Variants in TCF12 observed in about 807,000 individuals in gnomAD.
TCF12 encodes the protein transcription factor 12.
In TCF12, 45 loss-of-function variants were observed where a neutral mutation model predicts 86.0. The ratio of observed to expected loss-of-function variants is 0.52; its 90% CI spans 0.41 to 0.67. TCF12 has a LOEUF of 0.67. Among genes scored for constraint, TCF12 ranks in the 30% least tolerant of loss-of-function variants. TCF12 has a pLI of 0.00. For missense variants in TCF12, 881 were observed against 859.9 expected, an observed-to-expected ratio of 1.02 and a Z score of -0.31; for synonymous variants, 330 against 299.6, an observed-to-expected ratio of 1.10 and a Z score of -1.05.
intron 3 of TCF12, among the ~76,000 whole-genome samples, chr15:57,061,444 A>T (rs1279201813): frequency 6.6e-6 from 1 of 152,194 alleles, no homozygotes; most frequent in African/African-American, 2.4e-5. Context: ...AATAAAAAAA[A>T]AAATTAATGA....
At chr15:57,172,994 C>T (rs546998537) in intron 6 of TCF12, among the ~76,000 whole-genome samples, 2 of 151,476 alleles carry the variant, frequency 1.3e-5, no homozygotes, top group East Asian at 1.9e-4. Context: ...GAGGCTGAGG[C>T]GGGAGGATTG....
rs2061973260 is a variant in TCF12, at chr15:57,287,572, T to A, written c.*1427T>A. The A allele has an allele frequency of 6.6e-6, 1 of 152,630 alleles. No individual in the cohort carries two copies. The highest frequency in any genetic ancestry group is 1.5e-5 in the Non-Finnish European group (1 of 68,052). 9.5% of individuals were successfully genotyped at this position (152,630 alleles called of 1,614,324 possible). On this transcript the variant is annotated 3_prime_UTR_variant, in exon 21 of 21. Transcript: ENST00000333725. ...CTTTGAACTTCCATGAAACCTGTCT[T>A]CCACCACAACAACCCTGGGAGAGAA...
Position 57,197,767 on chromosome 15 carries a change from C to A in TCF12, c.527-6C>A, listed in dbSNP as rs936573930. ...GCTGAAGAAATGTATTGTTTTCCAT[C>A]TGCAGATCCCTTGCAAGCAAAAAAA... On this transcript the variant is annotated splice_region_variant and splice_polypyrimidine_tract_variant and intron_variant, in intron 7 of 20. Coordinates refer to ENST00000333725, the MANE Select transcript of TCF12 (RefSeq NM_207037.2). 6.2e-7 allele frequency: 1 copy of A among 1,613,930 alleles called. No homozygotes were observed.
At chr15:57,230,192 T>A (rs1475668371) in intron 8 of TCF12, among the ~76,000 whole-genome samples, 1 of 152,008 alleles carries the variant, frequency 6.6e-6, no homozygotes, top group East Asian at 1.9e-4. Context: ...AATGTTATTC[T>A]GTTTCAGTCA....
intron 3 of TCF12, among the ~76,000 whole-genome samples, chr15:56,946,244 C>T (rs2060991157): frequency 6.6e-6 from 1 of 152,172 alleles, no homozygotes; most frequent in African/African-American, 2.4e-5. Flanking sequence ...TATATTAGCA[C>T]TCTTGATACT....
chr15:57,232,894 G>A (rs776879371), intron 11 of TCF12, 38 bp downstream of exon 11: 13 of 1,485,844 alleles, frequency 8.7e-6, no homozygotes, highest in Non-Finnish European at 1.1e-5. Context: ...CTAAAAGTTT[G>A]TGGACTTTCA....
At chr15:57,143,133 T>A (rs2053103315) in intron 5 of TCF12, among the ~76,000 whole-genome samples, 1 of 142,520 alleles carries the variant, frequency 7.0e-6, no homozygotes, top group South Asian at 2.2e-4. Flanking sequence ...CCCATAAATA[T>A]ATACACCTAT....
intron 6 of TCF12, among the ~76,000 whole-genome samples, chr15:57,184,833 T>C (rs1348044988): frequency 1.3e-5 from 2 of 152,288 alleles, no homozygotes; most frequent in Non-Finnish European, 2.9e-5. Flanking sequence ...TCCTAGGTCA[T>C]ACTACTCTCA....
At chr15:57,206,499 A>C (rs1449429388) in intron 8 of TCF12, among the ~76,000 whole-genome samples, 1 of 152,030 alleles carries the variant, frequency 6.6e-6, no homozygotes, top group East Asian at 1.9e-4. Flanking sequence ...CCAGTGAAAA[A>C]CAGACCTAAA....
chr15:56,936,595 A>G (rs2060480443), intron 3 of TCF12, among the ~76,000 whole-genome samples: 1 of 152,084 alleles, frequency 6.6e-6, no homozygotes, highest in Admixed American at 6.6e-5. Flanking sequence ...TATCTTCTGG[A>G]ATTTTTAAAG....
chr15:56,993,054 A>G (rs1212881983), intron 3 of TCF12, among the ~76,000 whole-genome samples: 3 of 152,298 alleles, frequency 2.0e-5, no homozygotes, highest in Admixed American at 6.5e-5. Flanking sequence ...AATGAAGACT[A>G]GCATTCAGAA....
intron 8 of TCF12, among the ~76,000 whole-genome samples, chr15:57,199,522 A>G (rs1228792618): frequency 2.0e-5 from 3 of 152,248 alleles, no homozygotes; most frequent in African/African-American, 7.2e-5. Context: ...TCAGTGTTCC[A>G]TAGTTCTTTG....
intron 3 of TCF12, among the ~76,000 whole-genome samples, chr15:57,039,967 C>T (rs189652878): frequency 7.2e-4 from 110 of 152,258 alleles, no homozygotes; most frequent in African/African-American, 2.2e-3. Context: ...ATTCTAACTT[C>T]TGCTTCAAAA....
At chr15:57,006,157 G>C (rs1308798119) in intron 3 of TCF12, among the ~76,000 whole-genome samples, 3 of 152,006 alleles carry the variant, frequency 2.0e-5, no homozygotes, top group African/African-American at 7.3e-5. Context: ...TTTTATTTCA[G>C]TATATTATCA....
intron 4 of TCF12, 23 bp downstream of exon 4, chr15:57,063,846 G>GCTGTACA (rs764443007): frequency 6.5e-7 from 1 of 1,537,814 alleles, no homozygotes; most frequent in African/African-American, 1.4e-5. Flanking sequence ...ATCAACCCTT[G>GCTGTACA]ATTAAAGCTG....
At position 57,253,486 on chromosome 15, in the gene TCF12, T is replaced by G; in HGVS notation, c.1467+18T>G. 1.2e-6 allele frequency: 2 copies of G among 1,612,288 alleles called. No individual in the cohort carries two copies. The highest frequency in any genetic ancestry group is 1.7e-6 in the Non-Finnish European group (2 of 1,178,916). On this transcript the variant is annotated intron_variant, in intron 16 of 20. Transcript: ENST00000333725. ...CTTCAATGGTAAAATCATGCTCATC[T>G]TTTTTGTAGTAAACCCTAAAGATTC...
chr15:57,191,107 A>T (rs1455012655), intron 6 of TCF12, among the ~76,000 whole-genome samples: 1 of 152,162 alleles, frequency 6.6e-6, no homozygotes, highest in African/African-American at 2.4e-5. Flanking sequence ...TTGCTTAAAT[A>T]TAGTGTTAAA....
At chr15:57,163,955 A>G (rs534303565) in intron 5 of TCF12, among the ~76,000 whole-genome samples, 1 of 152,230 alleles carries the variant, frequency 6.6e-6, no homozygotes, top group African/African-American at 2.4e-5. Context: ...TTCTAAATAG[A>G]TAGGGAATTT....
chr15:57,247,255 A>G, intron 13 of TCF12: 1 of 645,660 alleles, frequency 1.5e-6, no homozygotes, highest in Admixed American at 2.1e-5. Flanking sequence ...CAAAACCATT[A>G]TATCCGCCAT....
Sources: gnomAD v4.1 joint callset for allele counts (sites outside exome capture counted in the v4.1 genomes callset) on GRCh38, gnomAD v4.1.1 for gene constraint, MANE v1.5 for transcripts, NCBI Gene and HGNC (gene_info 2026-07-23, HGNC 2026-07-21) for gene names.